Variants in PTPRT observed in about 807,000 individuals in gnomAD.
PTPRT encodes protein tyrosine phosphatase receptor type T, also known as receptor-type tyrosine-protein phosphatase T.
PTPRT carries 56 observed loss-of-function variants against 176.8 expected under a neutral mutation model. The observed-to-expected ratio is 0.32, with a 90% CI of 0.26 to 0.40. The LOEUF is 0.40. PTPRT is among the 10% of genes least tolerant of loss of function. The pLI, the probability that PTPRT is intolerant of heterozygous loss-of-function variation, is 1.00. For missense variants in PTPRT, 1,540 were observed against 1,908.2 expected (o/e 0.81, Z 3.60); for synonymous variants, 783 against 739.0 (o/e 1.06, Z -0.96).
intron 7 of PTPRT, among the ~76,000 whole-genome samples, chr20:42,565,378 C>A (rs972552461): frequency 6.6e-6 from 1 of 152,144 alleles, no homozygotes; most frequent in African/African-American, 2.4e-5. Flanking sequence ...CAATTATATT[C>A]CATCCGGCCA....
chr20:43,050,910 T>C (rs1253044899), intron 1 of PTPRT, among the ~76,000 whole-genome samples: 1 of 152,154 alleles, frequency 6.6e-6, no homozygotes, highest in Non-Finnish European at 1.5e-5. Context: ...GGTTCTAAGA[T>C]GAGAAAGTGA....
chr20:42,271,827 T>G (rs147078207), intron 13 of PTPRT, among the ~76,000 whole-genome samples: 10 of 152,306 alleles, frequency 6.6e-5, no homozygotes, highest in African/African-American at 1.7e-4. Context: ...TCAACAAAAC[T>G]GCAGGAAGTT....
chr20:42,422,634 G>A (rs910311333), intron 9 of PTPRT, among the ~76,000 whole-genome samples: 4 of 152,226 alleles, frequency 2.6e-5, no homozygotes, highest in African/African-American at 9.6e-5. Context: ...GTGGAAGGCA[G>A]TGTGGTGATT....
chr20:42,039,471 T>C, the PTPRT span, among the ~76,000 whole-genome samples: 30 of 151,944 alleles, frequency 2.0e-4, no homozygotes, highest in African/African-American at 7.0e-4. Context: ...TTGACTGACA[T>C]CTCCTCAGTC....
chr20:42,260,848 G>T (rs1324993345), intron 13 of PTPRT, among the ~76,000 whole-genome samples: 3 of 152,216 alleles, frequency 2.0e-5, no homozygotes, highest in African/African-American at 7.2e-5. Flanking sequence ...GTGGAGACCT[G>T]TCTGGGCCAA....
intron 15 of PTPRT, among the ~76,000 whole-genome samples, chr20:42,204,930 G>A (rs750841309): frequency 1.8e-4 from 27 of 152,114 alleles, no homozygotes; most frequent in Non-Finnish European, 2.8e-4. Flanking sequence ...ATGGTCCCAG[G>A]GGCAGAATGA....
intron 2 of PTPRT, among the ~76,000 whole-genome samples, chr20:42,820,631 T>C (rs551394821): frequency 1.3e-5 from 2 of 152,124 alleles, no homozygotes; most frequent in South Asian, 2.1e-4. Context: ...ATGCAGAAGA[T>C]GGTTTTTCGA....
intron 1 of PTPRT, among the ~76,000 whole-genome samples, chr20:43,051,452 G>C (rs1987037457): frequency 6.6e-6 from 1 of 151,948 alleles, no homozygotes; most frequent in African/African-American, 2.4e-5. Context: ...AATATTTGTA[G>C]AAACTTACTG....
intron 7 of PTPRT, among the ~76,000 whole-genome samples, chr20:42,601,688 C>CAAATCAAT (rs947075211): frequency 8.5e-5 from 13 of 152,268 alleles, no homozygotes; most frequent in Non-Finnish European, 1.8e-4. Context: ...CGCAGCACAA[C>CAAATCAAT]AAATCAATAA....
intron 15 of PTPRT, among the ~76,000 whole-genome samples, chr20:42,233,252 C>T (rs955184403): frequency 2.0e-5 from 3 of 152,168 alleles, no homozygotes; most frequent in African/African-American, 7.2e-5. Context: ...TTTCTAAGTT[C>T]CCATGGGATG....
intron 13 of PTPRT, among the ~76,000 whole-genome samples, chr20:42,267,125 T>C (rs1318646298): frequency 6.6e-6 from 1 of 152,236 alleles, no homozygotes; most frequent in African/African-American, 2.4e-5. Context: ...CAGCAGAGAC[T>C]ACACTTTAAG....
At chr20:42,763,496 T>C (rs2076944386) in intron 5 of PTPRT, among the ~76,000 whole-genome samples, 1 of 152,102 alleles carries the variant, frequency 6.6e-6, no homozygotes, top group African/African-American at 2.4e-5. Flanking sequence ...AATATAAAAA[T>C]AAAACAAAAT....
In PTPRT at chr20:42,085,211, G is replaced by A. The variant is rs562759198; in HGVS notation, c.3973-366C>T. On this transcript the variant is annotated intron_variant, in intron 28 of 30. Coordinates refer to ENST00000373187, the MANE Select transcript of PTPRT (RefSeq NM_007050.6). The stretch of plus-strand genomic sequence containing the variant: ...GTGGACAGTGAACTCTGAGCAGGGG[G>A]GTAGGGGAGGTGCTGAGCTCCTTTC... Among the ~76,000 whole-genome samples the A allele has an allele frequency of 1.7e-4, 26 of 152,222 alleles. 1 individual carries two copies. The South Asian group carries it at 5.4e-3, about 32-fold the overall frequency.
chr20:42,765,638 T>C (rs1307894035), intron 5 of PTPRT, among the ~76,000 whole-genome samples: 1 of 152,092 alleles, frequency 6.6e-6, no homozygotes, highest in African/African-American at 2.4e-5. Flanking sequence ...AGTGTCTTAA[T>C]ATGTATTTCA....
At chr20:42,387,108 A>G (rs2145654729) in intron 9 of PTPRT, among the ~76,000 whole-genome samples, 1 of 152,338 alleles carries the variant, frequency 6.6e-6, no homozygotes, top group East Asian at 1.9e-4. Flanking sequence ...GTCTTAGTGG[A>G]AATGATCTGA....
chr20:42,786,305 G>T (rs1381517704), intron 3 of PTPRT, among the ~76,000 whole-genome samples: 2 of 152,140 alleles, frequency 1.3e-5, no homozygotes, highest in Admixed American at 6.6e-5. Context: ...TCTGCAGAAG[G>T]TCCTATCATA....
intron 7 of PTPRT, among the ~76,000 whole-genome samples, chr20:42,492,127 G>C (rs1051343882): frequency 2.0e-5 from 3 of 152,142 alleles, no homozygotes; most frequent in South Asian, 4.1e-4. Flanking sequence ...TGGGGTGATT[G>C]TGAGTAAATC....
At chr20:42,428,276 C>T (rs890733724) in intron 9 of PTPRT, among the ~76,000 whole-genome samples, 34 of 152,220 alleles carry the variant, frequency 2.2e-4, no homozygotes, top group Middle Eastern at 3.4e-3. Context: ...CTGGGTTCAC[C>T]CATCAACATT....
At chr20:42,951,683 A>G (rs549693804) in intron 1 of PTPRT, among the ~76,000 whole-genome samples, 2 of 152,272 alleles carry the variant, frequency 1.3e-5, no homozygotes, top group East Asian at 3.9e-4. Flanking sequence ...ACCATGATCC[A>G]GGTGAGAGCT....
Sources: allele counts gnomAD v4.1 joint callset (sites outside exome capture counted in the v4.1 genomes callset), GRCh38; gene constraint gnomAD v4.1.1; transcripts MANE v1.5; gene names NCBI Gene and HGNC (gene_info 2026-07-23, HGNC 2026-07-21).